Variants in SPRY3 observed in about 807,000 individuals in gnomAD.
SPRY3 encodes the protein sprouty RTK signaling antagonist 3.
SPRY3 carries 15 observed loss-of-function variants against 20.2 expected under a neutral mutation model. That is an observed-to-expected ratio of 0.74 (90% CI 0.50 to 1.14). SPRY3 has a LOEUF of 1.14. Ranked by LOEUF, SPRY3 falls within the 50% of genes most tolerant of loss-of-function variation. SPRY3 has a pLI of 0.00. For synonymous variants in SPRY3, 143 were observed against 136.5 expected (o/e 1.05, Z -0.33); for missense variants, 364 against 363.9 (o/e 1.00, Z 0.00).
chrX:155,698,157 A>G (rs181142224), intron 2 of SPRY3, among the ~76,000 whole-genome samples: 1 of 111,462 alleles, frequency 9.0e-6, no homozygotes, highest in East Asian at 2.8e-4. Context: ...ATAAAGATGG[A>G]TGAGTAGTAC....
intron 1 of SPRY3, among the ~76,000 whole-genome samples, chrX:155,654,449 G>A (rs1333564185): frequency 9.0e-6 from 1 of 110,536 alleles, no homozygotes; most frequent in East Asian, 2.8e-4. Flanking sequence ...ATATCCTTAG[G>A]TAATTTTTCA....
Position 155,620,137 on chromosome X carries a change from AAGTTAAACACACTTTATAAGATTCTT to A in SPRY3, c.-441+7533_-441+7558del, listed in dbSNP as rs1318658180. 8.0e-5 allele frequency among the ~76,000 whole-genome samples: 9 copies of A among 111,868 alleles called. 1 individual carries two copies. The South Asian group carries it at 1.5e-3, about 18-fold the overall frequency. On this transcript the variant is annotated intron_variant, in intron 1 of 3. Coordinates refer to ENST00000675360, the Ensembl canonical transcript of SPRY3. The stretch of plus-strand genomic sequence containing the variant: ...GAAAACTGGTTAGCAGATTCTTATA[AAGTTAAACACACTTTATAAGATTCTT>A]AGTTAAACACACTTTATAAGATTCT...
At chrX:155,749,425 T>C (rs1202548304) in intron 2 of SPRY3, among the ~76,000 whole-genome samples, 1 of 151,722 alleles carries the variant, frequency 6.6e-6, no homozygotes, top group Non-Finnish European at 1.5e-5. Flanking sequence ...GTACGTATTA[T>C]ATAGATAGAG....
intron 2 of SPRY3, among the ~76,000 whole-genome samples, chrX:155,672,532 G>T (rs1387650041): frequency 7.2e-5 from 8 of 110,660 alleles, no homozygotes; most frequent in Non-Finnish European, 1.9e-5. Flanking sequence ...CTCACGCCAG[G>T]TAGAATGGCA....
intron 1 of SPRY3, among the ~76,000 whole-genome samples, chrX:155,650,918 T>C (rs2067975246): frequency 8.9e-6 from 1 of 112,007 alleles, no homozygotes; most frequent in Admixed American, 9.5e-5. Flanking sequence ...CTGAGATAAA[T>C]TCTCAAGAGC....
At chrX:155,720,883 C>T (rs2091053307) in intron 2 of SPRY3, among the ~76,000 whole-genome samples, 1 of 152,094 alleles carries the variant, frequency 6.6e-6, no homozygotes, top group African/African-American at 2.4e-5. Context: ...CAGACACAGA[C>T]AAACATCTAC....
At chrX:155,739,850 A>G (rs2091194207) in intron 2 of SPRY3, among the ~76,000 whole-genome samples, 1 of 152,208 alleles carries the variant, frequency 6.6e-6, no homozygotes, top group African/African-American at 2.4e-5. Context: ...ATAAACCCAC[A>G]AAGATGAGAA....
At chrX:155,715,695 T>C (rs2124546968) in intron 2 of SPRY3, among the ~76,000 whole-genome samples, 1 of 152,214 alleles carries the variant, frequency 6.6e-6, no homozygotes, top group African/African-American at 2.4e-5. Context: ...CTATTGCACT[T>C]CAGCCAGTGG....
chrX:155,753,117 TAA>T (rs2091270472), intron 2 of SPRY3, among the ~76,000 whole-genome samples: 2 of 151,864 alleles, frequency 1.3e-5, no homozygotes, highest in African/African-American at 2.4e-5. Flanking sequence ...TCACATGCAA[TAA>T]GTCACCCATG....
intron 1 of SPRY3, among the ~76,000 whole-genome samples, chrX:155,633,376 TAAAAAA>T (rs1170609386): frequency 1.4e-4 from 3 of 21,101 alleles, no homozygotes; most frequent in African/African-American, 5.1e-4. Context: ...CCGTCTCTAC[TAAAAAA>T]AAAAAAAAAA....
intron 2 of SPRY3, among the ~76,000 whole-genome samples, chrX:155,660,032 C>T (rs1479435657): frequency 1.8e-5 from 2 of 111,247 alleles, no homozygotes; most frequent in Admixed American, 9.5e-5. Flanking sequence ...TCATTTAGTT[C>T]TGCTATGATC....
At chrX:155,725,400 C>T (rs1035887084) in intron 2 of SPRY3, among the ~76,000 whole-genome samples, 1 of 152,118 alleles carries the variant, frequency 6.6e-6, no homozygotes, top group African/African-American at 2.4e-5. Context: ...ATGGTACCAG[C>T]TCCTCTTTGT....
chrX:155,669,574 A>T (rs2068034103), intron 2 of SPRY3, among the ~76,000 whole-genome samples: 1 of 111,478 alleles, frequency 9.0e-6, no homozygotes, highest in African/African-American at 3.2e-5. Flanking sequence ...AAAACATTAG[A>T]CAATTGAATC....
chrX:155,711,400 G>A (rs1287853590), intron 2 of SPRY3, among the ~76,000 whole-genome samples: 2 of 151,610 alleles, frequency 1.3e-5, no homozygotes, highest in Non-Finnish European at 3.0e-5. Flanking sequence ...ATATATCTAG[G>A]AATTTATCCA....
At chrX:155,724,831 C>G (rs1184739173) in intron 2 of SPRY3, among the ~76,000 whole-genome samples, 1 of 152,046 alleles carries the variant, frequency 6.6e-6, no homozygotes, top group African/African-American at 2.4e-5. Context: ...GCCTGATTGC[C>G]CTGGCCAGAA....
chrX:155,772,306 G>A (rs970989995), intron 3 of SPRY3, among the ~76,000 whole-genome samples: 1 of 152,150 alleles, frequency 6.6e-6, no homozygotes, highest in Non-Finnish European at 1.5e-5. Context: ...ATTAGCCACT[G>A]AGTCCTTTAT....
intron 2 of SPRY3, among the ~76,000 whole-genome samples, chrX:155,731,888 C>T (rs1195610448): frequency 6.6e-6 from 1 of 151,952 alleles, no homozygotes; most frequent in Non-Finnish European, 1.5e-5. Context: ...CAAGTATTAA[C>T]CAAGGAAGTG....
chrX:155,773,064 A>G (rs1488571198), intron 3 of SPRY3, among the ~76,000 whole-genome samples: 1 of 151,934 alleles, frequency 6.6e-6, no homozygotes, highest in Non-Finnish European at 1.5e-5. Flanking sequence ...AGTAAGTTAA[A>G]GCAGCCAGTA....
intron 2 of SPRY3, among the ~76,000 whole-genome samples, chrX:155,708,846 T>A (rs1569381804): frequency 6.6e-6 from 1 of 151,358 alleles, no homozygotes. Flanking sequence ...AAGTTACTCA[T>A]TCTAACTATT....
Sources: allele counts gnomAD v4.1 joint callset (sites outside exome capture counted in the v4.1 genomes callset), GRCh38; gene constraint gnomAD v4.1.1; transcripts MANE v1.5; gene names NCBI Gene and HGNC (gene_info 2026-07-23, HGNC 2026-07-21).